Variants in BDKRB2 observed in about 807,000 individuals in gnomAD.
The protein encoded by BDKRB2 is bradykinin receptor B2.
In BDKRB2, 6 loss-of-function variants were observed where a neutral mutation model predicts 4.0. The ratio of observed to expected loss-of-function variants is 1.49; its 90% CI spans 0.81 to 2.93. The LOEUF (loss-of-function observed/expected upper bound fraction) is 2.93. Among genes scored for constraint, BDKRB2 ranks in the 30% most tolerant of loss-of-function variants. The pLI is 0.00. For synonymous variants in BDKRB2, 225 were observed against 215.3 expected, an observed-to-expected ratio of 1.05 and a Z score of -0.40; for missense variants, 478 against 520.1, an observed-to-expected ratio of 0.92 and a Z score of 0.79.
intron 1 of BDKRB2, among the ~76,000 whole-genome samples, chr14:96,224,295 A>G (rs1427314524): frequency 6.6e-6 from 1 of 152,118 alleles, no homozygotes; most frequent in African/African-American, 2.4e-5. Flanking sequence ...AAAAGCAAAA[A>G]AAAGAACCAT....
chr14:96,208,419 C>T (rs1319920018), intron 1 of BDKRB2, among the ~76,000 whole-genome samples: 4 of 152,176 alleles, frequency 2.6e-5, no homozygotes, highest in Admixed American at 2.0e-4. Flanking sequence ...AAACAGCTCT[C>T]GGTTCGAATT....
chr14:96,208,164 T>A (rs1393356266), intron 1 of BDKRB2, among the ~76,000 whole-genome samples: 3 of 152,198 alleles, frequency 2.0e-5, no homozygotes, highest in Non-Finnish European at 4.4e-5. Context: ...TCTGCCCCCC[T>A]TGAAAAGTGT....
In BDKRB2 at chr14:96,237,011, G is replaced by A. The variant is rs116679243; in HGVS notation, c.-39-58G>A. On this transcript the variant is annotated intron_variant, in intron 1 of 2. Transcript: ENST00000554311. ...ATTTCTCCTCCCTGCTGGAGAATGC[G>A]TGTATTTTGCAATCCCCAGCCCCTG... 5.6e-4 allele frequency: 567 copies of A among 1,006,290 alleles called. 4 individuals carry two copies. In the African/African-American group the frequency reaches 7.7e-3, roughly 14 times the overall value. The allele number at this position is 1,006,290 out of a possible 1,614,324, so 62.3% of individuals were successfully genotyped here.
rs763874568 is a variant in BDKRB2, at chr14:96,241,259, G to A, written c.931G>A (p.Asp311Asn). The A allele has an allele frequency of 9.3e-6, 15 of 1,613,536 alleles. No individual in the cohort carries two copies. The highest frequency in any genetic ancestry group is 7.7e-5 in the South Asian group (7 of 91,058). ...CAGCTGCCAGGACGAGCGCATCATCGATGTAATCACACAGATCGCCTCCTT... is the reference window on the plus strand; with the variant it reads ...CAGCTGCCAGGACGAGCGCATCATCAATGTAATCACACAGATCGCCTCCTT... The part of the protein sequence containing the change: ...LSSCQDERII[D>N]VITQIASFMA... The change falls in exon 3 of 3, where the codon GAT becomes AAT. Residue 311 changes from aspartate (D) to asparagine (N), a missense_variant. By Grantham distance (23) the Asp-to-Asn change is conservative. Transcript: ENST00000554311.
chr14:96,213,406 G>T (rs1164131435), intron 1 of BDKRB2, among the ~76,000 whole-genome samples: 1 of 152,030 alleles, frequency 6.6e-6, no homozygotes, highest in African/African-American at 2.4e-5. Flanking sequence ...CAGTCACACT[G>T]ATGGTTTGTC....
At chr14:96,225,367 C>G (rs1003392331) in intron 1 of BDKRB2, among the ~76,000 whole-genome samples, 6 of 152,086 alleles carry the variant, frequency 3.9e-5, no homozygotes, top group Non-Finnish European at 5.9e-5. Flanking sequence ...GGGATCTTGG[C>G]TGGCTGAGAA....
At chr14:96,212,622 A>T (rs1487013102) in intron 1 of BDKRB2, among the ~76,000 whole-genome samples, 2 of 152,132 alleles carry the variant, frequency 1.3e-5, no homozygotes, top group Non-Finnish European at 1.5e-5. Flanking sequence ...GGCAGAGATC[A>T]GTGGGTGGCG....
In BDKRB2 at chr14:96,204,844, A is replaced by G; in HGVS notation, c.-155A>G. On this transcript the variant is annotated 5_prime_UTR_variant, in exon 1 of 3. Coordinates refer to ENST00000554311, the MANE Select transcript of BDKRB2 (RefSeq NM_001379692.1). Reference sequence around the variant, plus strand: ...GATGAGCTGTTCCCGCCGCCACTCCAGCTCTGGCTTCTGGGCTCCGAGGAG... The same window carrying G: ...GATGAGCTGTTCCCGCCGCCACTCCGGCTCTGGCTTCTGGGCTCCGAGGAG... The G allele has an allele frequency of 2.6e-6, 1 of 386,482 alleles. No individual in the cohort carries two copies. The highest frequency in any genetic ancestry group is 5.2e-6 in the Non-Finnish European group (1 of 190,804). The allele number at this position is 386,482 out of a possible 1,614,324, so 23.9% of individuals were successfully genotyped here.
intron 1 of BDKRB2, among the ~76,000 whole-genome samples, chr14:96,207,464 G>A (rs967870024): frequency 6.6e-6 from 1 of 152,120 alleles, no homozygotes; most frequent in Non-Finnish European, 1.5e-5. Context: ...GGGGAGGGAG[G>A]AGAGAATGGG....
intron 1 of BDKRB2, among the ~76,000 whole-genome samples, chr14:96,236,488 T>C (rs1890936464): frequency 6.6e-6 from 1 of 152,192 alleles, no homozygotes; most frequent in Non-Finnish European, 1.5e-5. Context: ...GCCCCTGTCC[T>C]CACCCCATCC....
intron 1 of BDKRB2, among the ~76,000 whole-genome samples, chr14:96,206,640 G>A (rs1172464514): frequency 6.6e-6 from 1 of 152,116 alleles, no homozygotes; most frequent in African/African-American, 2.4e-5. Flanking sequence ...TGTGCCACGT[G>A]GTTTTTGCTA....
intron 1 of BDKRB2, among the ~76,000 whole-genome samples, chr14:96,214,089 T>C (rs1054142394): frequency 6.6e-6 from 1 of 152,000 alleles, no homozygotes; most frequent in African/African-American, 2.4e-5. Context: ...TGGGCGGTGA[T>C]CCAAAAGCCC....
Position 96,208,125 on chromosome 14 carries a change from C to T in BDKRB2, c.-40+3166C>T, listed in dbSNP as rs1422109271. Reference sequence around the variant, plus strand: ...GTACCATTCTAGTCCTATTGCTTCTCTCTGAGCTAAATATCCACAGCTACT... The same window carrying T: ...GTACCATTCTAGTCCTATTGCTTCTTTCTGAGCTAAATATCCACAGCTACT... On this transcript the variant is annotated intron_variant, in intron 1 of 2. Coordinates refer to ENST00000554311, the MANE Select transcript of BDKRB2 (RefSeq NM_001379692.1). Among the ~76,000 whole-genome samples, 5 of 152,176 alleles carry T rather than the reference C, an allele frequency of 3.3e-5. No individual in the cohort carries two copies. In the East Asian group the frequency reaches 7.7e-4, roughly 23 times the overall value.
At position 96,240,536 on chromosome 14, in the gene BDKRB2, C is replaced by T. The variant is rs200196004; in HGVS notation, c.208C>T (p.Leu70=). 1.1e-5 allele frequency: 18 copies of T among 1,582,256 alleles called. No individual in the cohort carries two copies. Among genetic ancestry groups the T allele is most frequent in the Non-Finnish European group, 1.5e-5 (18 of 1,165,170 alleles). Residue 70 remains leucine, a synonymous_variant, in exon 3 of 3, where the codon CTG becomes TTG. Transcript: ENST00000554311. ...QPPFLWVLFV[L]ATLENIFVLS... ...CCCCTTCCTCTGGGTGCTGTTCGTG[C>T]TGGCCACCCTAGAGAACATCTTTGT...
chr14:96,241,830 C>A lies in BDKRB2; in HGVS notation c.*326C>A. On this transcript the variant is annotated 3_prime_UTR_variant, in exon 3 of 3. Transcript: ENST00000554311. ...CAGGGAGAGGAGTGACTGAGCTTCC[C>A]TCCCGTGTGTTCTCCGTCCCTGCCC... 1 of 234,644 alleles carries A rather than the reference C, an allele frequency of 4.3e-6. No homozygotes were observed. Among genetic ancestry groups the A allele is most frequent in the Non-Finnish European group, 8.3e-6 (1 of 120,774 alleles). 14.5% of individuals were successfully genotyped at this position (234,644 alleles called of 1,614,324 possible). A position where few individuals can be genotyped will look rare whatever the true frequency, so the allele number is the denominator to read the frequency against.
chr14:96,237,505 A>G (rs753135740), intron 2 of BDKRB2, among the ~76,000 whole-genome samples: 1 of 152,228 alleles, frequency 6.6e-6, no homozygotes. Flanking sequence ...ATCAGACAGC[A>G]ATGTGCCAGA....
chr14:96,210,067 G>A (rs1031543894), intron 1 of BDKRB2, among the ~76,000 whole-genome samples: 11 of 152,030 alleles, frequency 7.2e-5, no homozygotes, highest in East Asian at 1.9e-4. Flanking sequence ...CTATGCACTC[G>A]TCTCAGGTGA....
Position 96,237,270 on chromosome 14 carries a change from C to A in BDKRB2, c.74+89C>A, listed in dbSNP as rs187827356. ...CCTGGAAAGCTCAACTCTCATGCCC[C>A]GGACAACAGTTGAAGGAACCAGTGA... On this transcript the variant is annotated intron_variant, in intron 2 of 2. Transcript: ENST00000554311. 69 of 1,231,666 alleles carry A rather than the reference C, an allele frequency of 5.6e-5. No homozygotes were observed. The African/African-American group carries it at 8.8e-4, about 16-fold the overall frequency. The allele number at this position is 1,231,666 out of a possible 1,614,324, so 76.3% of individuals were successfully genotyped here. A position where few individuals can be genotyped will look rare whatever the true frequency, so the allele number is the denominator to read the frequency against.
At chr14:96,221,956 A>G (rs1328446219) in intron 1 of BDKRB2, among the ~76,000 whole-genome samples, 1 of 152,070 alleles carries the variant, frequency 6.6e-6, no homozygotes, top group East Asian at 1.9e-4. Flanking sequence ...CAGTTCTGAC[A>G]TTATCTGCCC....
Sources: allele counts gnomAD v4.1 joint callset (sites outside exome capture counted in the v4.1 genomes callset), GRCh38; gene constraint gnomAD v4.1.1; transcripts MANE v1.5; gene names NCBI Gene and HGNC (gene_info 2026-07-23, HGNC 2026-07-21).